Variants in ZNF596 observed in about 807,000 individuals in gnomAD.
ZNF596 encodes zinc finger protein 596.
A neutral mutation model predicts 48.3 loss-of-function variants in ZNF596; 45 were observed. The observed-to-expected ratio is 0.93, with a 90% CI of 0.73 to 1.19. ZNF596 has a LOEUF of 1.19. ZNF596 is among the 50% of genes most tolerant of loss of function. The probability of loss-of-function intolerance (pLI) is 0.00; values close to 1 mark genes in which losing one functional copy is unlikely to be tolerated. For missense variants in ZNF596, 848 were observed against 599.7 expected, an observed-to-expected ratio of 1.41 and a Z score of -4.32; for synonymous variants, 270 against 202.0, an observed-to-expected ratio of 1.34 and a Z score of -2.85.
Position 243,801 on chromosome 8 carries a change from G to T in ZNF596, c.219G>T (p.Leu73=), listed in dbSNP as rs763554725. The T allele has an allele frequency of 3.7e-6, 6 of 1,612,390 alleles. No homozygotes were observed. Among genetic ancestry groups the T allele is most frequent in the Non-Finnish European group, 5.1e-6 (6 of 1,179,052 alleles). Reference sequence around the variant, plus strand: ...TTTCAACACAAAGAATAAGCTTACTGCAAGGTGAGCTCTAAGAAGCAGTGC... The same window carrying T: ...TTTCAACACAAAGAATAAGCTTACTTCAAGGTGAGCTCTAAGAAGCAGTGC... ...EKLSTQRISL[L]QGREVGIKHQ... is the part of the protein sequence containing the mutation. The change falls in exon 4 of 6, where the codon CTG becomes CTT. Residue 73 remains leucine, a synonymous_variant. Coordinates refer to ENST00000398612, the MANE Select transcript of ZNF596 (RefSeq NM_001042416.3).
chr8:244,514 C>T (rs191538991), intron 4 of ZNF596, 105 bp from the exon 5 acceptor site: 18 of 737,424 alleles, frequency 2.4e-5, no homozygotes, highest in Admixed American at 1.0e-4. Context: ...ACATTCTTTC[C>T]CTGTCTGTGT....
intron 1 of ZNF596, among the ~76,000 whole-genome samples, chr8:238,980 A>G (rs1796740445): frequency 6.6e-6 from 1 of 152,104 alleles, no homozygotes; most frequent in Admixed American, 6.6e-5. Flanking sequence ...AAAAGAATCA[A>G]ATATAGATTC....
intron 1 of ZNF596, 151 bp from the exon 2 acceptor site, chr8:240,673 G>A (rs1423013637): frequency 5.2e-6 from 3 of 575,940 alleles, no homozygotes; most frequent in East Asian, 5.6e-5. Flanking sequence ...CATTTCTTCT[G>A]ACCCTGGGAG....
At chr8:236,023 C>T (rs537070414) in intron 1 of ZNF596, among the ~76,000 whole-genome samples, 1 of 152,152 alleles carries the variant, frequency 6.6e-6, no homozygotes, top group Admixed American at 6.5e-5. Context: ...GTCTAGGTTG[C>T]CCTGAGTCTA....
chr8:243,404 A>AT (rs1461941313), intron 3 of ZNF596: 1 of 297,084 alleles, frequency 3.4e-6, no homozygotes, highest in Non-Finnish European at 6.3e-6. Flanking sequence ...GCTAATATTT[A>AT]TTGCATAGTT....
intron 5 of ZNF596, 89 bp downstream of exon 5, chr8:244,790 C>A (rs1796997412): frequency 2.9e-6 from 3 of 1,041,322 alleles, no homozygotes; most frequent in Non-Finnish European, 4.3e-6. Flanking sequence ...CCTGACTGTA[C>A]TTAAAGCCCT....
chr8:242,744 G>A (rs1195841866), intron 2 of ZNF596, 143 bp from the exon 3 acceptor site: 29 of 639,156 alleles, frequency 4.5e-5, no homozygotes, highest in Non-Finnish European at 6.2e-5. Flanking sequence ...CAGATTTAAA[G>A]CAATGTGACA....
At chr8:232,307 G>A (rs1472867541), upstream of ZNF596, 1 of 155,308 alleles carries the variant, frequency 6.4e-6, no homozygotes, top group Non-Finnish European at 1.5e-5. Context: ...GCCCCGGCCC[G>A]GCCCCGCCTT....
At chr8:244,541 C>A in intron 4 of ZNF596, 78 bp from the exon 5 acceptor site, 1 of 955,032 alleles carries the variant, frequency 1.0e-6, no homozygotes, top group Non-Finnish European at 1.7e-6. Context: ...GAAACACACT[C>A]AAATGGGCTT....
rs1796778373 is a variant in ZNF596 at position 239,852 on chromosome 8, C to T, written c.-72-972C>T. Among the ~76,000 whole-genome samples the T allele has an allele frequency of 3.3e-5, 5 of 152,252 alleles. No homozygotes were observed. In the South Asian group the frequency reaches 1.0e-3, roughly 32 times the overall value. On this transcript the variant is annotated intron_variant, in intron 1 of 5. Transcript: ENST00000398612. The stretch of plus-strand genomic sequence containing the variant: ...AGGATAGGGGGTGGGACTGTACGTT[C>T]CAAGCTTCTGATCAAGTCATGGTCT...
At chr8:235,486 T>G (rs1490221228) in intron 1 of ZNF596, among the ~76,000 whole-genome samples, 1 of 152,222 alleles carries the variant, frequency 6.6e-6, no homozygotes, top group Non-Finnish European at 1.5e-5. Flanking sequence ...ATGTTTTTTT[T>G]TTTTAGATTT....
Position 240,728 on chromosome 8 carries a change from T to C in ZNF596, c.-72-96T>C, listed in dbSNP as rs191261786. 8.4e-5 allele frequency: 62 copies of C among 742,274 alleles called. No individual in the cohort carries two copies. The East Asian group carries it at 8.9e-4, about 11-fold the overall frequency. 46.0% of individuals were successfully genotyped at this position (742,274 alleles called of 1,614,324 possible). The stretch of plus-strand genomic sequence containing the variant: ...CCCACCCCCTACCCACTGCATGTCC[T>C]TGTTGGTTGGACTGGGGCTAATAGC... On this transcript the variant is annotated intron_variant, in intron 1 of 5. Transcript: ENST00000398612.
rs112304555 is a variant in ZNF596, at chr8:238,118, G to C, written c.-72-2706G>C. On this transcript the variant is annotated intron_variant, in intron 1 of 5. Coordinates refer to ENST00000398612, the MANE Select transcript of ZNF596 (RefSeq NM_001042416.3). ...ACCTTTAGTGATGCCTGTGGAGATT[G>C]AGAAGCTCACAGGGGCCTTGGATGT... Among the ~76,000 whole-genome samples the C allele has an allele frequency of 1.1e-3, 168 of 152,312 alleles. 2 individuals are homozygous for C. The highest frequency in any genetic ancestry group is 6.8e-3 in the Middle Eastern group (2 of 294).
chr8:245,462 C>T lies in ZNF596; in HGVS notation c.615C>T (p.Ser205=). 2 of 1,614,150 alleles carry T rather than the reference C, an allele frequency of 1.2e-6. No homozygotes were observed. The highest frequency in any genetic ancestry group is 1.7e-6 in the Non-Finnish European group (2 of 1,180,014). Residue 205 remains serine (S), a synonymous_variant, in exon 6 of 6, where the codon AGC becomes AGT. Coordinates refer to ENST00000398612, the MANE Select transcript of ZNF596 (RefSeq NM_001042416.3). ...LECRVCGKTF[S]KNSNLRRHEM... is the part of the protein sequence containing the mutation. ...GTCGTGTGTGTGGGAAAACCTTTAG[C>T]AAAAATTCTAATCTTAGGCGACATG...
chr8:241,172 G>A (rs1438366782), intron 2 of ZNF596, among the ~76,000 whole-genome samples: 2 of 152,090 alleles, frequency 1.3e-5, no homozygotes, highest in Non-Finnish European at 2.9e-5. Flanking sequence ...CCAGTCTCAG[G>A]GAAATCATTC....
chr8:236,663 T>C (rs1049341051), intron 1 of ZNF596, among the ~76,000 whole-genome samples: 7 of 152,216 alleles, frequency 4.6e-5, no homozygotes, highest in African/African-American at 1.7e-4. Flanking sequence ...TAATGTGATT[T>C]TTTTAATCTT....
At chr8:244,578 C>A (rs775179711) in intron 4 of ZNF596, 41 bp from the exon 5 acceptor site, 2 of 1,427,602 alleles carry the variant, frequency 1.4e-6, no homozygotes, top group African/African-American at 1.4e-5. Context: ...TTTTATTCCC[C>A]TAATGCCTAT....
intron 1 of ZNF596, 193 bp downstream of exon 1, chr8:232,887 G>C: frequency 2.1e-6 from 1 of 466,820 alleles, no homozygotes; most frequent in South Asian, 1.6e-5. Context: ...CTGAGTCCGA[G>C]ACTGGGGTAG....
At chr8:243,665 C>T (rs1584912375) in intron 3 of ZNF596, 57 bp from the exon 4 acceptor site, 2 of 1,568,934 alleles carry the variant, frequency 1.3e-6, no homozygotes, top group Non-Finnish European at 1.8e-6. Flanking sequence ...TATCTGATAA[C>T]CTTGTACATT....
Sources: allele counts gnomAD v4.1 joint callset (sites outside exome capture counted in the v4.1 genomes callset), GRCh38; gene constraint gnomAD v4.1.1; transcripts MANE v1.5; gene names NCBI Gene and HGNC (gene_info 2026-07-23, HGNC 2026-07-21).